The following FGF14 variants were observed in gnomAD, a reference collection of about 807,000 sequenced individuals.
FGF14 encodes the protein fibroblast growth factor homologous factor 4.
A neutral mutation model predicts 25.5 loss-of-function variants in FGF14; 5 were observed. That is an observed-to-expected ratio of 0.20 (90% confidence interval 0.10 to 0.41). FGF14 has a LOEUF of 0.41. Among genes scored for constraint, FGF14 ranks in the 10% least tolerant of loss-of-function variants. The pLI, the probability that FGF14 is intolerant of heterozygous loss-of-function variation, is 1.00. For missense variants in FGF14, 222 were observed against 320.1 expected (o/e 0.69, Z 2.34); for synonymous variants, 138 against 118.3 (o/e 1.17, Z -1.08).
chr13:102,216,154 T>A (rs1366820803), intron 1 of FGF14, among the ~76,000 whole-genome samples: 1 of 152,192 alleles, frequency 6.6e-6, no homozygotes, highest in Non-Finnish European at 1.5e-5. Flanking sequence ...TGAATAGAAT[T>A]TGCAGGTGCT....
intron 1 of FGF14, among the ~76,000 whole-genome samples, chr13:102,334,668 A>G (rs1195297674): frequency 6.6e-6 from 1 of 152,222 alleles, no homozygotes; most frequent in Non-Finnish European, 1.5e-5. Flanking sequence ...TGTGATCAGA[A>G]TTCTAACTTC....
chr13:102,272,838 C>T (rs552931646), intron 1 of FGF14, among the ~76,000 whole-genome samples: 10 of 152,118 alleles, frequency 6.6e-5, no homozygotes, highest in Admixed American at 2.0e-4. Context: ...ACAGGAGACC[C>T]AACTGTCTTA....
At chr13:102,119,733 T>C (rs145102161) in intron 1 of FGF14, among the ~76,000 whole-genome samples, 55 of 152,362 alleles carry the variant, frequency 3.6e-4, no homozygotes, top group African/African-American at 1.3e-3. Context: ...CATTTGTGCA[T>C]GCACACCAAA....
At chr13:102,284,897 TCTTC>T (rs1419469408) in intron 1 of FGF14, among the ~76,000 whole-genome samples, 2 of 152,036 alleles carry the variant, frequency 1.3e-5, no homozygotes, top group African/African-American at 4.8e-5. Context: ...ACCCTGTCAT[TCTTC>T]CTTTTCTATT....
At chr13:102,121,067 G>A (rs150258329) in intron 1 of FGF14, among the ~76,000 whole-genome samples, 1 of 152,178 alleles carries the variant, frequency 6.6e-6, no homozygotes, top group Admixed American at 6.5e-5. Flanking sequence ...AAGGTACTCA[G>A]GCCAGAATGA....
chr13:102,205,984 TAAAAAAAAAAAAA>T (rs36108366), intron 1 of FGF14, among the ~76,000 whole-genome samples: 3 of 47,442 alleles, frequency 6.3e-5, no homozygotes, highest in African/African-American at 1.4e-4. Flanking sequence ...CTCCCTGTGG[TAAAAAAAAAAAAA>T]AAAAAAAAAA....
chr13:102,252,943 G>C (rs2052256753), intron 1 of FGF14, among the ~76,000 whole-genome samples: 1 of 152,106 alleles, frequency 6.6e-6, no homozygotes, highest in African/African-American at 2.4e-5. Flanking sequence ...TCTTGTATTA[G>C]TTTGCTGAGA....
intron 1 of FGF14, among the ~76,000 whole-genome samples, chr13:102,322,158 C>A (rs368115094): frequency 6.6e-6 from 1 of 152,196 alleles, no homozygotes; most frequent in African/African-American, 2.4e-5. Context: ...ACTAAACACA[C>A]CTACATATTG....
At chr13:101,926,573 A>G (rs1325886445) in intron 1 of FGF14, among the ~76,000 whole-genome samples, 1 of 152,228 alleles carries the variant, frequency 6.6e-6, no homozygotes, top group African/African-American at 2.4e-5. Flanking sequence ...GTGAGAATGC[A>G]TTTTTCTAAG....
chr13:102,188,795 C>T (rs2048972719), intron 1 of FGF14, among the ~76,000 whole-genome samples: 1 of 151,364 alleles, frequency 6.6e-6, no homozygotes, highest in African/African-American at 2.4e-5. Context: ...ACAAAAATTA[C>T]CTGGGCATGG....
At chr13:101,947,387 G>A (rs1215445566) in intron 1 of FGF14, among the ~76,000 whole-genome samples, 1 of 152,120 alleles carries the variant, frequency 6.6e-6, no homozygotes, top group Non-Finnish European at 1.5e-5. Context: ...GCATTTGTAT[G>A]TTCATCACAG....
At chr13:102,338,443 C>A (rs536521394) in intron 1 of FGF14, among the ~76,000 whole-genome samples, 1 of 152,196 alleles carries the variant, frequency 6.6e-6, no homozygotes, top group East Asian at 1.9e-4. Context: ...CATTTGGGGA[C>A]CCCCAACCAA....
rs553336527 is a variant in FGF14, at chr13:102,387,692, T to C, written c.208+13779A>G. 5.3e-5 allele frequency among the ~76,000 whole-genome samples: 8 copies of C among 152,086 alleles called. No homozygotes were observed. The South Asian group carries it at 6.2e-4, about 12-fold the overall frequency. ...TATTTTCTCATCCAAGTAATAAGCA[T>C]AGTACCCACTAGGCAGTTTTTTTTT... On this transcript the variant is annotated intron_variant, in intron 1 of 4. Transcript: ENST00000376131.
At chr13:102,138,142 T>C (rs1203365879) in intron 1 of FGF14, among the ~76,000 whole-genome samples, 1 of 147,882 alleles carries the variant, frequency 6.8e-6, no homozygotes, top group Non-Finnish European at 1.5e-5. Flanking sequence ...CCATCATTCT[T>C]TTCAGACAAA....
intron 1 of FGF14, among the ~76,000 whole-genome samples, chr13:102,161,722 A>AAGAAGAAGAAGAAGAAGAAGAAGG (rs1566766175): frequency 6.7e-6 from 1 of 149,128 alleles, no homozygotes; most frequent in Non-Finnish European, 1.5e-5. Context: ...GAAGAAGAAG[A>AAGAAGAAGAAGAAGAAGAAGAAGG]AGAATAGAAA....
chr13:102,196,422 A>G (rs1566805074), intron 1 of FGF14, among the ~76,000 whole-genome samples: 1 of 152,184 alleles, frequency 6.6e-6, no homozygotes, highest in Non-Finnish European at 1.5e-5. Context: ...GAAAGAAAAA[A>G]AAATCCTTCC....
rs1238478724 is a variant in FGF14, at chr13:102,304,527, A to G, written c.208+96944T>C. Among the ~76,000 whole-genome samples the G allele has an allele frequency of 2.0e-5, 3 of 152,140 alleles. No individual in the cohort carries two copies. In the East Asian group the frequency reaches 5.8e-4, roughly 29 times the overall value. On this transcript the variant is annotated intron_variant, in intron 1 of 4. Transcript: ENST00000376131. ...TAAGAAAAAGGAATCGGTGGTCCTA[A>G]CCAGCCTTCAAGAGGGACTCCAGTG...
At chr13:101,867,829 T>A (rs188042689) in intron 3 of FGF14, among the ~76,000 whole-genome samples, 1 of 150,830 alleles carries the variant, frequency 6.6e-6, no homozygotes, top group Non-Finnish European at 1.5e-5. Flanking sequence ...ATTTCCCAAA[T>A]TGACTGAAGA....
At chr13:101,780,948 C>T (rs1446009490) in intron 3 of FGF14, among the ~76,000 whole-genome samples, 1 of 152,170 alleles carries the variant, frequency 6.6e-6, no homozygotes, top group African/African-American at 2.4e-5. Flanking sequence ...ATGGCCTTCC[C>T]ACTGCTGACA....
Sources: allele counts gnomAD v4.1 joint callset (sites outside exome capture counted in the v4.1 genomes callset), GRCh38; gene constraint gnomAD v4.1.1; transcripts MANE v1.5; gene names NCBI Gene and HGNC (gene_info 2026-07-23, HGNC 2026-07-21).